Variants in ZBED3 observed in about 807,000 individuals in gnomAD.
The protein encoded by ZBED3 is zinc finger BED-type containing 3.
For synonymous variants in ZBED3, 175 were observed against 180.0 expected (o/e 0.97, Z 0.22); for missense variants, 388 against 362.9 (o/e 1.07, Z -0.56).
Position 77,075,955 on chromosome 5 carries a change from A to ATGTATATATG in ZBED3, c.*1218_*1219insCATATATACA. ...AAGTATTATATATACATATATATAT[A>ATGTATATATG]TATATATATATGTATATGTATATAT... On this transcript the variant is annotated 3_prime_UTR_variant, in exon 3 of 3. Coordinates refer to ENST00000255198, the MANE Select transcript of ZBED3 (RefSeq NM_032367.4). 2.8e-5 allele frequency: 1 copy of ATGTATATATG among 35,126 alleles called. No homozygotes were observed. Among genetic ancestry groups the ATGTATATATG allele is most frequent in the Non-Finnish European group, 6.3e-5 (1 of 15,924 alleles). 2.2% of individuals were successfully genotyped at this position (35,126 alleles called of 1,614,324 possible). A position where few individuals can be genotyped will look rare whatever the true frequency, so the allele number is the denominator to read the frequency against.
Position 77,077,668 on chromosome 5 carries a change from G to C in ZBED3, c.211C>G (p.Leu71Val), listed in dbSNP as rs1378254840. The change falls in exon 3 of 3, where the codon CTG (leucine) becomes GTG (valine). Residue 71 changes from leucine to valine, a missense_variant. Coordinates refer to ENST00000255198, the MANE Select transcript of ZBED3 (RefSeq NM_032367.4). ...CCGCGGCCCACCTGCTCCCCGCACA[G>C]ACGGCAGGTGGCCCAGTGGCCCGAC... ...HPSGHWATCRLCGEQVGRGPG... is the reference protein window; with the variant it reads ...HPSGHWATCRVCGEQVGRGPG... 2.9e-6 allele frequency: 4 copies of C among 1,389,672 alleles called. No individual in the cohort carries two copies. Among genetic ancestry groups the C allele is most frequent in the Non-Finnish European group, 3.7e-6 (4 of 1,075,594 alleles). 86.1% of individuals were successfully genotyped at this position (1,389,672 alleles called of 1,614,324 possible). A position where few individuals can be genotyped will look rare whatever the true frequency, so the allele number is the denominator to read the frequency against.
chr5:77,080,438 T>C (rs1743105150), intron 1 of ZBED3: 2 of 481,156 alleles, frequency 4.2e-6, no homozygotes, highest in South Asian at 3.1e-5. Flanking sequence ...GCATCACAAA[T>C]GTCGGCCAGC....
At position 77,077,343 on chromosome 5, in the gene ZBED3, G is replaced by A. The variant is rs531117283; in HGVS notation, c.536C>T (p.Ala179Val). The A allele has an allele frequency of 4.0e-6, 5 of 1,255,526 alleles. No individual in the cohort carries two copies. Among genetic ancestry groups the A allele is most frequent in the Admixed American group, 4.3e-5 (1 of 23,336 alleles). 77.8% of individuals were successfully genotyped at this position (1,255,526 alleles called of 1,614,324 possible). The change falls in exon 3 of 3, where the codon GCC becomes GTC. Residue 179 changes from alanine (A) to valine (V), a missense_variant. Transcript: ENST00000255198. ...RALQEEERAA[A>V]QARRELQAER... Reference sequence around the variant, plus strand: ...GGCCTGCAGTTCCCGGCGCGCCTGGGCCGCGGCGCGCTCTTCCTCCTGCAG... The same window carrying A: ...GGCCTGCAGTTCCCGGCGCGCCTGGACCGCGGCGCGCTCTTCCTCCTGCAG...
At chr5:77,082,227 A>G (rs1050494843) in intron 1 of ZBED3, among the ~76,000 whole-genome samples, 1 of 151,326 alleles carries the variant, frequency 6.6e-6, no homozygotes, top group African/African-American at 2.4e-5. Flanking sequence ...AGATAGCACC[A>G]TTGCATTCCA....
At position 77,075,967 on chromosome 5, in the gene ZBED3, GTATATGTATATATGTATA is replaced by G. The variant is rs1742976610; in HGVS notation, c.*1189_*1206del. On this transcript the variant is annotated 3_prime_UTR_variant, in exon 3 of 3. Transcript: ENST00000255198. The stretch of plus-strand genomic sequence containing the variant: ...TACATATATATATATATATATATAT[GTATATGTATATATGTATA>G]TATATATGTATATATGTATATATAT... The G allele has an allele frequency of 5.5e-4, 17 of 30,640 alleles. 4 individuals are homozygous for G. The highest frequency in any genetic ancestry group is 8.8e-4 in the Non-Finnish European group (13 of 14,750). 1.9% of individuals were successfully genotyped at this position (30,640 alleles called of 1,614,324 possible).
At chr5:77,077,981 C>T (rs1743060641) in intron 2 of ZBED3, 86 bp from the exon 3 acceptor site, 1 of 985,064 alleles carries the variant, frequency 1.0e-6, no homozygotes, top group South Asian at 5.3e-5. Flanking sequence ...ACCATGCCGC[C>T]CTCCATTTTC....
intron 1 of ZBED3, among the ~76,000 whole-genome samples, chr5:77,081,443 C>A (rs1225939329): frequency 6.6e-6 from 1 of 151,574 alleles, no homozygotes; most frequent in East Asian, 1.9e-4. Flanking sequence ...GCTTCCCAGG[C>A]TCAAGAAGTG....
rs1451540291 is a variant in ZBED3, at chr5:77,074,181, G to A, written c.*2993C>T. On this transcript the variant is annotated 3_prime_UTR_variant, in exon 3 of 3. Coordinates refer to ENST00000255198, the MANE Select transcript of ZBED3 (RefSeq NM_032367.4). ...GATAAGACTGGCATGGGGGCAGAGG[G>A]GGACTTGAATGTCAGGTGACAGAGT... The A allele has an allele frequency of 6.6e-6, 1 of 152,236 alleles. No homozygotes were observed. The highest frequency in any genetic ancestry group is 1.9e-4 in the East Asian group (1 of 5,184). The allele number at this position is 152,236 out of a possible 1,614,324, so 9.4% of individuals were successfully genotyped here.
At chr5:77,080,706 G>A (rs910861759) in intron 1 of ZBED3, 8 of 444,890 alleles carry the variant, frequency 1.8e-5, no homozygotes, top group South Asian at 3.3e-5. Context: ...ACCAAACACC[G>A]CATGTTCTCA....
intron 1 of ZBED3, 31 bp downstream of exon 1, chr5:77,087,080 C>G (rs1291175115): frequency 1.3e-5 from 2 of 152,322 alleles, no homozygotes; most frequent in Non-Finnish European, 2.9e-5. Flanking sequence ...CCCAGCCCGC[C>G]TCGCCACCGA....
At chr5:77,078,278 G>C (rs530382898) in intron 2 of ZBED3, among the ~76,000 whole-genome samples, 2 of 152,304 alleles carry the variant, frequency 1.3e-5, no homozygotes, top group Admixed American at 1.3e-4. Flanking sequence ...AATAAAAAAG[G>C]TACTGTCTTC....
intron 1 of ZBED3, among the ~76,000 whole-genome samples, chr5:77,081,630 G>A (rs914978277): frequency 2.0e-5 from 3 of 152,216 alleles, no homozygotes; most frequent in South Asian, 2.1e-4. Flanking sequence ...GATTACAGTC[G>A]TGAGCATACC....
At chr5:77,086,428 T>C (rs1044043192) in intron 1 of ZBED3, among the ~76,000 whole-genome samples, 2 of 152,212 alleles carry the variant, frequency 1.3e-5, no homozygotes, top group African/African-American at 4.8e-5. Context: ...ATTAGGTCAA[T>C]GTATTAAGCT....
chr5:77,080,109 A>AC (rs1561298525), intron 1 of ZBED3, among the ~76,000 whole-genome samples: 1 of 152,224 alleles, frequency 6.6e-6, no homozygotes, highest in Non-Finnish European at 1.5e-5. Context: ...TATAACATCA[A>AC]GAGTATTGCT....
In ZBED3 at chr5:77,077,476, GT is replaced by G. The variant is rs1264721498; in HGVS notation, c.402del (p.Glu134AspfsTer66). The G allele has an allele frequency of 4.3e-5, 51 of 1,191,998 alleles. No homozygotes were observed. The highest frequency in any genetic ancestry group is 5.2e-5 in the Non-Finnish European group (50 of 965,780). 73.8% of individuals were successfully genotyped at this position (1,191,998 alleles called of 1,614,324 possible). On this transcript the variant is annotated frameshift_variant, in exon 3 of 3. Transcript: ENST00000255198. LOFTEE classifies it low-confidence loss of function (END_TRUNC). ...APEGDWARLL[E>X]QMGALAVRGS... is the part of the protein sequence containing the mutation. ...CCGCGCACGGCCAGCGCGCCCATCT[GT>G]TCCAGCAGGCGCGCCCAGTCGCCCT... is the stretch of plus-strand genomic sequence containing the variant.
At position 77,080,662 on chromosome 5, in the gene ZBED3, T is replaced by G. The variant is rs1580147971; in HGVS notation, c.-152-1934A>C. ...TCTATGGCCACAGGCCGTAACAGCC[T>G]GGTTAGCTGAGCAAACTATCACAAG... On this transcript the variant is annotated intron_variant, in intron 1 of 2. Transcript: ENST00000255198. 9.8e-6 allele frequency: 5 copies of G among 509,426 alleles called. No individual in the cohort carries two copies. The East Asian group carries it at 2.8e-4, about 28-fold the overall frequency. 31.6% of individuals were successfully genotyped at this position (509,426 alleles called of 1,614,324 possible).
intron 1 of ZBED3, among the ~76,000 whole-genome samples, chr5:77,082,990 A>T (rs1743160579): frequency 6.6e-6 from 1 of 152,076 alleles, no homozygotes; most frequent in Admixed American, 6.6e-5. Context: ...ACAAAAAATT[A>T]GCTAGGCGTG....
In ZBED3 at chr5:77,074,535, C is replaced by A. The variant is rs1363520045; in HGVS notation, c.*2639G>T. On this transcript the variant is annotated 3_prime_UTR_variant, in exon 3 of 3. Coordinates refer to ENST00000255198, the MANE Select transcript of ZBED3 (RefSeq NM_032367.4). Reference sequence around the variant, plus strand: ...GAACCTGTCTCATCTACAAAATGGGCATAGTAGCACCTATGTCATAGGGTT... The same window carrying A: ...GAACCTGTCTCATCTACAAAATGGGAATAGTAGCACCTATGTCATAGGGTT... The A allele has an allele frequency of 6.6e-6, 1 of 152,158 alleles. No homozygotes were observed. The highest frequency in any genetic ancestry group is 1.5e-5 in the Non-Finnish European group (1 of 68,034). The allele number at this position is 152,158 out of a possible 1,614,324, so 9.4% of individuals were successfully genotyped here. A position where few individuals can be genotyped will look rare whatever the true frequency, so the allele number is the denominator to read the frequency against.
chr5:77,082,098 C>G (rs1743139462), intron 1 of ZBED3, among the ~76,000 whole-genome samples: 1 of 152,012 alleles, frequency 6.6e-6, no homozygotes, highest in Non-Finnish European at 1.5e-5. Context: ...GAAACCCTGT[C>G]TCTACTAAAA....
Sources: allele counts gnomAD v4.1 joint callset (sites outside exome capture counted in the v4.1 genomes callset), GRCh38; gene constraint gnomAD v4.1.1; transcripts MANE v1.5; gene names NCBI Gene and HGNC (gene_info 2026-07-23, HGNC 2026-07-21).